The following KHDC1 variants were observed in gnomAD, a reference collection of about 807,000 sequenced individuals.
KHDC1 encodes KH homology domain-containing protein 1.
In KHDC1, 21 loss-of-function variants were observed where a neutral mutation model predicts 24.7. The observed-to-expected ratio is 0.85, with a 90% CI of 0.60 to 1.23. The LOEUF (loss-of-function observed/expected upper bound fraction) is 1.23, where lower values mean the gene tolerates loss of function less well. Ranked by LOEUF, KHDC1 falls within the 50% of genes most tolerant of loss-of-function variation. The pLI, the probability that KHDC1 is intolerant of heterozygous loss-of-function variation, is 0.00. For missense variants in KHDC1, 274 were observed against 298.5 expected, an observed-to-expected ratio of 0.92 and a Z score of 0.61; for synonymous variants, 98 against 111.7, an observed-to-expected ratio of 0.88 and a Z score of 0.77.
chr6:73,304,304 T>G (rs970970491), intron 1 of KHDC1, among the ~76,000 whole-genome samples: 3 of 152,082 alleles, frequency 2.0e-5, no homozygotes, highest in African/African-American at 4.8e-5. Context: ...ATCTCAAAAT[T>G]AAAAATGAAA....
intron 2 of KHDC1, among the ~76,000 whole-genome samples, chr6:73,250,641 C>G (rs772241655): frequency 1.3e-5 from 2 of 152,236 alleles, no homozygotes; most frequent in Non-Finnish European, 2.9e-5. Flanking sequence ...CTGTTCAAAT[C>G]ATGCTACATG....
intron 1 of KHDC1, among the ~76,000 whole-genome samples, chr6:73,308,718 C>G (rs1582595123): frequency 6.6e-6 from 1 of 152,042 alleles, no homozygotes; most frequent in East Asian, 1.9e-4. Context: ...CAGGCTGTGA[C>G]TTCTGGGCTC....
exon 5 of KHDC1, chr6:73,241,394 G>A: frequency 1.3e-6 from 1 of 766,812 alleles, no homozygotes; most frequent in Non-Finnish European, 2.2e-6. Context: ...CCTCAGACAT[G>A]TCTAGAAGAC....
chr6:73,275,623 C>T (rs1562253458), intron 2 of KHDC1: 1 of 167,244 alleles, frequency 6.0e-6, no homozygotes, highest in Non-Finnish European at 1.5e-5. Context: ...ACTCCCCTGG[C>T]TCACCCTAAA....
intron 1 of KHDC1, among the ~76,000 whole-genome samples, chr6:73,306,837 T>C (rs1767974675): frequency 1.3e-5 from 2 of 151,990 alleles, no homozygotes; most frequent in South Asian, 4.2e-4. Flanking sequence ...TGAAACCCCG[T>C]CTCTACTAAA....
At chr6:73,275,112 G>A (rs1304247036) in intron 2 of KHDC1, 1 of 152,384 alleles carries the variant, frequency 6.6e-6, no homozygotes, top group African/African-American at 2.4e-5. Context: ...CAACACTTTG[G>A]GAGGCCCAGG....
intron 2 of KHDC1, chr6:73,291,993 C>T (rs755763224): frequency 5.3e-5 from 86 of 1,613,776 alleles, no homozygotes; most frequent in Non-Finnish European, 6.8e-5. Flanking sequence ...ACTCGCATCA[C>T]GCACCTTTTG....
chr6:73,290,025 G>A (rs1233402982), intron 2 of KHDC1, among the ~76,000 whole-genome samples: 2 of 148,816 alleles, frequency 1.3e-5, no homozygotes, highest in East Asian at 2.0e-4. Context: ...GCGTGAACCC[G>A]GGAAGCGGAG....
At chr6:73,258,515 C>A (rs1461465186) in intron 2 of KHDC1, among the ~76,000 whole-genome samples, 1 of 152,132 alleles carries the variant, frequency 6.6e-6, no homozygotes, top group Non-Finnish European at 1.5e-5. Flanking sequence ...ACTGCTTGAC[C>A]TACAAGAAAG....
At chr6:73,306,117 C>T (rs1476662177) in intron 1 of KHDC1, among the ~76,000 whole-genome samples, 1 of 152,032 alleles carries the variant, frequency 6.6e-6, no homozygotes, top group African/African-American at 2.4e-5. Flanking sequence ...AATGAGTATT[C>T]TTTATCTTCA....
chr6:73,286,738 C>T (rs145853691), intron 2 of KHDC1, among the ~76,000 whole-genome samples: 137 of 152,252 alleles, frequency 9.0e-4, no homozygotes, highest in African/African-American at 3.2e-3. Context: ...TGAAAATTAG[C>T]TGGGCATGGT....
intron 2 of KHDC1, among the ~76,000 whole-genome samples, chr6:73,244,712 C>G (rs1018941865): frequency 6.9e-6 from 1 of 145,516 alleles, no homozygotes; most frequent in Non-Finnish European, 1.5e-5. Context: ...CGGGGGGGGG[C>G]TCCGTAAGCC....
intron 1 of KHDC1, chr6:73,299,030 C>T (rs1227123911): frequency 6.6e-6 from 1 of 152,162 alleles, no homozygotes; most frequent in African/African-American, 2.4e-5. Context: ...AAGGAATTGC[C>T]GACTTGAGGC....
intron 1 of KHDC1, among the ~76,000 whole-genome samples, chr6:73,296,693 A>G (rs1222655328): frequency 6.6e-6 from 1 of 152,148 alleles, no homozygotes; most frequent in Non-Finnish European, 1.5e-5. Context: ...GCACTATGAT[A>G]ATCTCATCAG....
chr6:73,258,843 C>T (rs938970671), intron 2 of KHDC1, among the ~76,000 whole-genome samples: 2 of 152,326 alleles, frequency 1.3e-5, no homozygotes, highest in African/African-American at 4.8e-5. Flanking sequence ...GGCTGTGAGC[C>T]TTCTGCCTTT....
At chr6:73,273,709 G>A (rs1254723349) in intron 2 of KHDC1, among the ~76,000 whole-genome samples, 7 of 152,006 alleles carry the variant, frequency 4.6e-5, no homozygotes, top group African/African-American at 1.7e-4. Context: ...CCAGCAACTC[G>A]GGAGGCTGAG....
chr6:73,244,708 G>A (rs1399786295), intron 2 of KHDC1, among the ~76,000 whole-genome samples: 1 of 140,998 alleles, frequency 7.1e-6, no homozygotes, highest in Non-Finnish European at 1.6e-5. Context: ...GGGGCGGGGG[G>A]GGGCTCCGTA....
intron 2 of KHDC1, among the ~76,000 whole-genome samples, chr6:73,271,810 G>A (rs1439462796): frequency 2.0e-5 from 3 of 151,478 alleles, no homozygotes; most frequent in Admixed American, 6.6e-5. Flanking sequence ...CAGGAGGATC[G>A]CTTGAACCTG....
At chr6:73,297,321 T>C (rs1767776176) in intron 1 of KHDC1, among the ~76,000 whole-genome samples, 1 of 152,266 alleles carries the variant, frequency 6.6e-6, no homozygotes, top group Admixed American at 6.5e-5. Flanking sequence ...TACAAATTAT[T>C]TTTTCTCCCA....
Sources: gnomAD v4.1 joint callset for allele counts (sites outside exome capture counted in the v4.1 genomes callset) on GRCh38, gnomAD v4.1.1 for gene constraint, MANE v1.5 for transcripts, NCBI Gene and HGNC (gene_info 2026-07-23, HGNC 2026-07-21) for gene names.